Variants in NEB observed in about 807,000 individuals in gnomAD.
NEB encodes the protein nebulin, also known as nemaline myopathy type 2.
In NEB, 512 loss-of-function variants were observed where a neutral mutation model predicts 952.2. The observed-to-expected ratio is 0.54, with a 90% CI of 0.50 to 0.58. NEB has a LOEUF of 0.58. Among genes scored for constraint, NEB ranks in the 20% least tolerant of loss-of-function variants. The pLI, the probability that NEB is intolerant of heterozygous loss-of-function variation, is 0.00. For missense variants in NEB, 8,428 were observed against 9,231.1 expected (o/e 0.91, Z 3.56); for synonymous variants, 2,900 against 3,149.8 (o/e 0.92, Z 2.66).
At chr2:151,549,218 G>T (rs868473186) in intron 130 of NEB, among the ~76,000 whole-genome samples, 1 of 152,182 alleles carries the variant, frequency 6.6e-6, no homozygotes, top group African/African-American at 2.4e-5. Flanking sequence ...AGGAACACAT[G>T]GTGATGTTAT....
Position 151,565,557 on chromosome 2 carries a change from C to A in NEB, c.18310G>T (p.Val6104Leu), listed in dbSNP as rs1253544291. 6.2e-7 allele frequency: 1 copy of A among 1,603,404 alleles called. No homozygotes were observed. ...ALENYPNFRS[V>L]VDPPEIVLAK... ...AAAACAATCTCTGGAGGATCCACCACACTTCTAAAGTTAGGATAGTTTTCA... is the reference window on the plus strand; with the variant it reads ...AAAACAATCTCTGGAGGATCCACCAAACTTCTAAAGTTAGGATAGTTTTCA... Residue 6104 changes from valine to leucine, a missense_variant, in exon 116 of 182, where the codon GTG (valine) becomes TTG (leucine). Val to Leu is a conservative substitution (Grantham distance 32, BLOSUM62 1). Transcript: ENST00000397345.
chr2:151,501,480 A>C lies in NEB; in HGVS notation c.23932T>G (p.Leu7978Val). The C allele has an allele frequency of 6.7e-7, 1 of 1,486,062 alleles. No individual in the cohort carries two copies. Among genetic ancestry groups the C allele is most frequent in the Non-Finnish European group, 9.0e-7 (1 of 1,109,034 alleles). 92.1% of individuals were successfully genotyped at this position (1,486,062 alleles called of 1,614,324 possible). Residue 7978 changes from leucine (L) to valine (V), a missense_variant, in exon 168 of 182, where the codon TTG becomes GTG. Around this residue, in one of 11 missense-constraint regions of NEB, gnomAD observed 3,374 missense variants for 3,651.5 expected, o/e 0.92. Transcript: ENST00000397345. ...CCCTTGCTCAAGTTCTCTTTGTACAATATCTGTGTGCACAAAACCAACAAA... is the reference window on the plus strand; with the variant it reads ...CCCTTGCTCAAGTTCTCTTTGTACACTATCTGTGTGCACAAAACCAACAAA... ...KRNQENFSSILYKENLSKGTP... is the reference protein window; with the variant it reads ...KRNQENFSSIVYKENLSKGTP...
At chr2:151,674,624 G>T in intron 35 of NEB, 40 bp from the exon 36 acceptor site, 1 of 1,415,056 alleles carries the variant, frequency 7.1e-7, no homozygotes, top group South Asian at 1.2e-5. Flanking sequence ...ATCTGTAAGT[G>T]ATTCCTCAAC....
Position 151,537,977 on chromosome 2 carries a change from C to A in NEB, c.20998-1G>T. The A allele has an allele frequency of 6.2e-7, 1 of 1,608,932 alleles. No homozygotes were observed. Among genetic ancestry groups the A allele is most frequent in the Non-Finnish European group, 8.5e-7 (1 of 1,175,802 alleles). Reference sequence around the variant, plus strand: ...TCATGTAGTTCTCCTTGTATTTTATCTGTTATAAAAAACACAAAGACAGCT... The same window carrying A: ...TCATGTAGTTCTCCTTGTATTTTATATGTTATAAAAAACACAAAGACAGCT... On this transcript the variant is annotated splice_acceptor_variant, in intron 139 of 181. Transcript: ENST00000397345. LOFTEE classifies it high-confidence loss of function.
At chr2:151,639,014 T>C (rs2098812950) in intron 63 of NEB, among the ~76,000 whole-genome samples, 1 of 152,140 alleles carries the variant, frequency 6.6e-6, no homozygotes, top group African/African-American at 2.4e-5. Context: ...ATATCCTAAC[T>C]TCAAAAAAAT....
In NEB at chr2:151,612,305, C is replaced by G; in HGVS notation, c.11686G>C (p.Ala3896Pro). ...TTCCTGTCACTCAGGATTTCTCCAG[C>G]TCTCTTCACTTTCTCGACCTCTACA... is the stretch of plus-strand genomic sequence containing the variant. ...GSVEVEKVKR[A>P]GEILSDRKYR... The change falls in exon 78 of 182, where the codon GCT (alanine) becomes CCT (proline). Residue 3896 changes from alanine (A) to proline (P), a missense_variant. Coordinates refer to ENST00000397345, the MANE Select transcript of NEB (RefSeq NM_001164508.2). 6.2e-7 allele frequency: 1 copy of G among 1,613,888 alleles called. No individual in the cohort carries two copies. The highest frequency in any genetic ancestry group is 8.5e-7 in the Non-Finnish European group (1 of 1,179,838).
At chr2:151,729,686 G>A (rs767736198) in intron 3 of NEB, 30 bp from the exon 4 acceptor site, 2 of 1,611,450 alleles carry the variant, frequency 1.2e-6, no homozygotes, top group Non-Finnish European at 1.7e-6. Context: ...GCATTGGCAA[G>A]AGAACCAAAG....
chr2:151,705,301 G>T (rs2099700792), intron 13 of NEB, among the ~76,000 whole-genome samples: 1 of 152,084 alleles, frequency 6.6e-6, no homozygotes, highest in South Asian at 2.1e-4. Context: ...GCAGATTATT[G>T]TCACTTTTTT....
At chr2:151,544,212 T>TG (rs2094444528) in intron 135 of NEB, among the ~76,000 whole-genome samples, 1 of 152,128 alleles carries the variant, frequency 6.6e-6, no homozygotes, top group African/African-American at 2.4e-5. Flanking sequence ...AAAATCCCTC[T>TG]GGGAACTGGG....
At chr2:151,491,949 G>A in intron 178 of NEB, 149 bp downstream of exon 178, 3 of 1,031,464 alleles carry the variant, frequency 2.9e-6, no homozygotes, top group Non-Finnish European at 4.3e-6. Flanking sequence ...AATCAGCTTT[G>A]TAAACTATGA....
intron 168 of NEB, chr2:151,499,645 G>A: frequency 9.9e-6 from 3 of 303,310 alleles, no homozygotes; most frequent in South Asian, 4.1e-5. Flanking sequence ...CAGGAATTAA[G>A]GAAAAAAATA....
rs2098651396 is a variant in NEB at position 151,630,771 on chromosome 2, T to C, written c.9667A>G (p.Met3223Val). 6.2e-7 allele frequency: 1 copy of C among 1,611,876 alleles called. No individual in the cohort carries two copies. The highest frequency in any genetic ancestry group is 1.3e-5 in the African/African-American group (1 of 74,930). The change falls in exon 67 of 182, where the codon ATG (methionine) becomes GTG (valine). Residue 3223 changes from methionine (M) to valine (V), a missense_variant. This residue lies in a region of NEB where 1,772 missense variants were observed against 1,960.3 expected (regional missense o/e 0.90). Coordinates refer to ENST00000397345, the MANE Select transcript of NEB (RefSeq NM_001164508.2). ...AACATAATCTCTGGTGTATCAGGCA[T>C]TATGTGAATTTGAGTCTTGTCTTTG... ...WDKDKTQIHI[M>V]PDTPEIMLAR... is the part of the protein sequence containing the mutation.
At chr2:151,533,609 C>G in intron 142 of NEB, 63 bp from the exon 143 acceptor site, 1 of 1,048,588 alleles carries the variant, frequency 9.5e-7, no homozygotes, top group Non-Finnish European at 1.4e-6. Context: ...GAACACGGCT[C>G]TATATCCCAA....
intron 13 of NEB, among the ~76,000 whole-genome samples, chr2:151,698,172 C>A (rs1294616552): frequency 6.6e-6 from 1 of 152,154 alleles, no homozygotes; most frequent in Non-Finnish European, 1.5e-5. Flanking sequence ...TATTATAAGG[C>A]CTAAGTTTCA....
Position 151,493,333 on chromosome 2 carries a change from T to A in NEB, c.24765+20A>T. The A allele has an allele frequency of 6.4e-7, 1 of 1,565,080 alleles. No homozygotes were observed. Among genetic ancestry groups the A allele is most frequent in the African/African-American group, 1.4e-5 (1 of 74,006 alleles). ...ATTTTCCAAGTTGTTGCACTATTTC[T>A]TTTTAGTCCTAGAAAATACCGAGCT... On this transcript the variant is annotated intron_variant, in intron 176 of 181. Coordinates refer to ENST00000397345, the MANE Select transcript of NEB (RefSeq NM_001164508.2).
rs1249337027 is a variant in NEB at position 151,666,128 on chromosome 2, C to G, written c.4993G>C (p.Val1665Leu). The change falls in exon 41 of 182, where the codon GTG becomes CTG. Residue 1665 changes from valine to leucine, a missense_variant. Physicochemically the swap from Val to Leu is conservative, Grantham distance 32. Transcript: ENST00000397345. ...TGCATGGCATTCCTGGAGTGCTCCA[C>G]ATTCAAGGCATCGGGCAGGAGAGTG... ...HYTLLPDALN[V>L]EHSRNAMQIQ... The G allele has an allele frequency of 6.2e-7, 1 of 1,613,638 alleles. No homozygotes were observed. Among genetic ancestry groups the G allele is most frequent in the Non-Finnish European group, 8.5e-7 (1 of 1,179,720 alleles).
rs1010303202 is a variant in NEB at position 151,629,962 on chromosome 2, T to C, written c.9724-316A>G. Among the ~76,000 whole-genome samples, 6 of 151,938 alleles carry C rather than the reference T, an allele frequency of 3.9e-5. No individual in the cohort carries two copies. In the East Asian group the frequency reaches 9.6e-4, roughly 24 times the overall value. On this transcript the variant is annotated intron_variant, in intron 67 of 181. Coordinates refer to ENST00000397345, the MANE Select transcript of NEB (RefSeq NM_001164508.2). ...GATCAATACAATCTAGTAATACAGA[T>C]TGATGAGCAAAGCAGCAATCCAAAC...
rs924175268 is a variant in NEB at position 151,706,805 on chromosome 2, T to C, written c.1152+76A>G. 3 of 1,016,358 alleles carry C rather than the reference T, an allele frequency of 3.0e-6. No individual in the cohort carries two copies. The African/African-American group carries it at 4.9e-5, about 17-fold the overall frequency. The allele number at this position is 1,016,358 out of a possible 1,614,324, so 63.0% of individuals were successfully genotyped here. A position where few individuals can be genotyped will look rare whatever the true frequency, so the allele number is the denominator to read the frequency against. On this transcript the variant is annotated intron_variant, in intron 13 of 181. Coordinates refer to ENST00000397345, the MANE Select transcript of NEB (RefSeq NM_001164508.2). Reference sequence around the variant, plus strand: ...ATGTATTTGCAAAGTTATATATTCATTTAGTCATTAAAGGAGAAAATTTTC... The same window carrying C: ...ATGTATTTGCAAAGTTATATATTCACTTAGTCATTAAAGGAGAAAATTTTC...
rs2098709089 is a variant in NEB, at chr2:151,633,633, A to G, written c.9414+21T>C. Reference sequence around the variant, plus strand: ...TTAAATTATTTCTATGCACAGCTCCATTTATAGATGCTGTACTCACGTCAC... The same window carrying G: ...TTAAATTATTTCTATGCACAGCTCCGTTTATAGATGCTGTACTCACGTCAC... On this transcript the variant is annotated intron_variant, in intron 65 of 181. Transcript: ENST00000397345. 6 of 1,595,204 alleles carry G rather than the reference A, an allele frequency of 3.8e-6. No homozygotes were observed. The Admixed American group carries it at 5.1e-5, about 14-fold the overall frequency.
Sources: gnomAD v4.1 joint callset for allele counts (sites outside exome capture counted in the v4.1 genomes callset) on GRCh38, gnomAD v4.1.1 for gene constraint, gnomAD v4.1.1 regional missense constraint, MANE v1.5 for transcripts, NCBI Gene and HGNC (gene_info 2026-07-23, HGNC 2026-07-21) for gene names.